Variants in IGBP1C observed in about 807,000 individuals in gnomAD.
IGBP1C encodes immunoglobulin-binding protein 1 family member C.
chr17:58,682,881 G>A, the IGBP1C span, among the ~76,000 whole-genome samples: 1 of 151,966 alleles, frequency 6.6e-6, no homozygotes, highest in South Asian at 2.1e-4. Context: ...CAGAGGTCCT[G>A]CATACCTTAA....
chr17:58,689,292 C>T, the IGBP1C span, among the ~76,000 whole-genome samples: 2 of 152,074 alleles, frequency 1.3e-5, no homozygotes, highest in Non-Finnish European at 2.9e-5. Flanking sequence ...CCTGATCTCA[C>T]TCACTGCAAC....
the IGBP1C span, among the ~76,000 whole-genome samples, chr17:58,681,074 G>A: frequency 6.6e-6 from 1 of 152,008 alleles, no homozygotes; most frequent in African/African-American, 2.4e-5. Flanking sequence ...CTGAGGTCAG[G>A]AGTTCAAGAC....
chr17:58,676,105 G>A, the IGBP1C span, among the ~76,000 whole-genome samples: 2 of 152,158 alleles, frequency 1.3e-5, no homozygotes, highest in Middle Eastern at 3.2e-3. Flanking sequence ...GCCAGGTGCA[G>A]TTGCTCACGC....
At chr17:58,689,489 G>A in the IGBP1C span, among the ~76,000 whole-genome samples, 1 of 152,144 alleles carries the variant, frequency 6.6e-6, no homozygotes. Flanking sequence ...AAAGTGCTAG[G>A]ATTACAGGAG....
the IGBP1C span, among the ~76,000 whole-genome samples, chr17:58,686,942 C>T: frequency 4.5e-5 from 6 of 132,730 alleles, no homozygotes; most frequent in African/African-American, 1.7e-4. Context: ...GGAGGGATCT[C>T]AGCTCACAGC....
the IGBP1C span, among the ~76,000 whole-genome samples, chr17:58,663,739 A>G: frequency 6.6e-6 from 1 of 152,116 alleles, no homozygotes; most frequent in Non-Finnish European, 1.5e-5. Context: ...AAGTGCTGGG[A>G]TTACAGGCAT....
chr17:58,685,047 T>G, the IGBP1C span, among the ~76,000 whole-genome samples: 1,829 of 152,250 alleles, frequency 0.012, 20 homozygotes, highest in Non-Finnish European at 0.02. Flanking sequence ...CAAATGTAGA[T>G]CTAAACCATA....
the IGBP1C span, among the ~76,000 whole-genome samples, chr17:58,668,374 C>T: frequency 6.6e-6 from 1 of 152,198 alleles, no homozygotes; most frequent in East Asian, 1.9e-4. Context: ...CTACCAAAGC[C>T]TCTTCTACTG....
chr17:58,666,273 G>T, the IGBP1C span, among the ~76,000 whole-genome samples: 1 of 150,650 alleles, frequency 6.6e-6, no homozygotes, highest in South Asian at 2.1e-4. Context: ...GCTCGAACTC[G>T]GGAGGTGGAG....
At chr17:58,682,781 A>G in the IGBP1C span, among the ~76,000 whole-genome samples, 2 of 152,186 alleles carry the variant, frequency 1.3e-5, no homozygotes, top group Admixed American at 6.5e-5. Flanking sequence ...TATCTGTTCA[A>G]GGGAGTCAGC....
chr17:58,661,057 C>CACA, the IGBP1C span: 5 of 1,096,278 alleles, frequency 4.6e-6, no homozygotes, highest in South Asian at 6.2e-5. Flanking sequence ...GACCACTTTC[C>CACA]ACAGCAGATT....
At chr17:58,672,736 T>C in the IGBP1C span, among the ~76,000 whole-genome samples, 4 of 150,190 alleles carry the variant, frequency 2.7e-5, no homozygotes, top group South Asian at 2.1e-4. Flanking sequence ...TTCCTTTTTT[T>C]CTTTGTTTGT....
the IGBP1C span, among the ~76,000 whole-genome samples, chr17:58,682,262 C>CTTT: frequency 7.0e-6 from 1 of 141,968 alleles, no homozygotes; most frequent in Non-Finnish European, 1.5e-5. Context: ...CAGAGTCTTT[C>CTTT]TTTTTTTTTT....
At chr17:58,677,140 A>G in the IGBP1C span, among the ~76,000 whole-genome samples, 1 of 151,404 alleles carries the variant, frequency 6.6e-6, no homozygotes, top group African/African-American at 2.4e-5. Context: ...AAAAAAAAAA[A>G]ATTAGCCAGC....
the IGBP1C span, among the ~76,000 whole-genome samples, chr17:58,665,020 A>G: frequency 6.6e-6 from 1 of 152,198 alleles, no homozygotes; most frequent in Non-Finnish European, 1.5e-5. Context: ...AGTTTGTGGA[A>G]GTAATACAGC....
At chr17:58,683,369 TC>T in the IGBP1C span, among the ~76,000 whole-genome samples, 1,793 of 124,878 alleles carry the variant, frequency 0.014, 16 homozygotes, top group East Asian at 0.019. Flanking sequence ...CAAGACTCCA[TC>T]CCCCCCCCCA....
At chr17:58,690,373 C>A in the IGBP1C span, among the ~76,000 whole-genome samples, 1 of 152,072 alleles carries the variant, frequency 6.6e-6, no homozygotes, top group South Asian at 2.1e-4. Context: ...GCCCTGTTGC[C>A]CAGGCTGGTC....
At chr17:58,679,172 CAGA>C in the IGBP1C span, among the ~76,000 whole-genome samples, 1 of 151,756 alleles carries the variant, frequency 6.6e-6, no homozygotes, top group Non-Finnish European at 1.5e-5. Flanking sequence ...AGAAAAAAAA[CAGA>C]AGGACTCTGG....
chr17:58,676,198 A>G, the IGBP1C span, among the ~76,000 whole-genome samples: 1 of 152,152 alleles, frequency 6.6e-6, no homozygotes, highest in Non-Finnish European at 1.5e-5. Context: ...CAAAATGGTG[A>G]AACCCCATCT....
Sources: allele counts gnomAD v4.1 joint callset (sites outside exome capture counted in the v4.1 genomes callset), GRCh38; gene constraint gnomAD v4.1.1; transcripts MANE v1.5; gene names NCBI Gene and HGNC (gene_info 2026-07-23, HGNC 2026-07-21).